The following PDE1C variants were observed in gnomAD, a reference collection of about 807,000 sequenced individuals.
The protein encoded by PDE1C is phosphodiesterase 1C.
Under a neutral mutation model 93.1 loss-of-function variants are expected in PDE1C, and 62 were observed. That is an observed-to-expected ratio of 0.67 (90% confidence interval 0.54 to 0.82). The LOEUF (loss-of-function observed/expected upper bound fraction) is 0.82, where lower values mean the gene tolerates loss of function less well. Among genes scored for constraint, PDE1C ranks in the 40% least tolerant of loss-of-function variants. The pLI is 0.00. For synonymous variants in PDE1C, 325 were observed against 310.1 expected, an observed-to-expected ratio of 1.05 and a Z score of -0.50; for missense variants, 742 against 884.6, an observed-to-expected ratio of 0.84 and a Z score of 2.04.
At chr7:32,181,657 G>C (rs1289344410) in intron 2 of PDE1C, among the ~76,000 whole-genome samples, 6 of 152,012 alleles carry the variant, frequency 3.9e-5, no homozygotes, top group East Asian at 1.9e-4. Context: ...GCAGTGTGTA[G>C]AGGGAAATTT....
chr7:32,338,999 T>G (rs55937651), intron 1 of PDE1C, among the ~76,000 whole-genome samples: 1 of 136,892 alleles, frequency 7.3e-6, no homozygotes, highest in Non-Finnish European at 1.5e-5. Flanking sequence ...CTAGACTCCA[T>G]CTCAAAAAAA....
intron 2 of PDE1C, among the ~76,000 whole-genome samples, chr7:31,906,706 A>G (rs1419375460): frequency 6.6e-6 from 1 of 152,204 alleles, no homozygotes; most frequent in Non-Finnish European, 1.5e-5. Flanking sequence ...GGAGTCTAGC[A>G]TGTGACCTTT....
intron 2 of PDE1C, among the ~76,000 whole-genome samples, chr7:31,912,919 C>T (rs1563020652): frequency 6.6e-6 from 1 of 152,026 alleles, no homozygotes; most frequent in Non-Finnish European, 1.5e-5. Context: ...AATGTTTGCC[C>T]ACATAGTTGA....
chr7:32,127,905 T>A (rs1242135947), intron 3 of PDE1C, among the ~76,000 whole-genome samples: 1 of 152,018 alleles, frequency 6.6e-6, no homozygotes, highest in African/African-American at 2.4e-5. Context: ...ACATTCATTA[T>A]GTTGTTTCTA....
chr7:31,938,068 A>G (rs1391640046), intron 2 of PDE1C, among the ~76,000 whole-genome samples: 3 of 152,136 alleles, frequency 2.0e-5, no homozygotes, highest in African/African-American at 7.2e-5. Flanking sequence ...CTTGTCTTTA[A>G]TCATCCAGAC....
At position 31,870,678 on chromosome 7, in the gene PDE1C, A is replaced by G. The variant is rs184583833; in HGVS notation, c.609+2614T>C. ...CTATCAAATTCCTCCAAACTTTCAA[A>G]GAAGGACTAACATCAGTTCTCCTCA... On this transcript the variant is annotated intron_variant, in intron 6 of 17. Transcript: ENST00000396191. Among the ~76,000 whole-genome samples the G allele has an allele frequency of 5.3e-5, 8 of 152,170 alleles. 1 individual carries two copies. In the East Asian group the frequency reaches 1.2e-3, roughly 22 times the overall value.
At chr7:32,141,953 C>T (rs543224907) in intron 3 of PDE1C, among the ~76,000 whole-genome samples, 1 of 152,024 alleles carries the variant, frequency 6.6e-6, no homozygotes, top group South Asian at 2.1e-4. Context: ...ACCCACCCCC[C>T]AAAAAATAAT....
chr7:31,966,023 A>C (rs974149739), intron 2 of PDE1C, among the ~76,000 whole-genome samples: 2 of 152,244 alleles, frequency 1.3e-5, no homozygotes, highest in Non-Finnish European at 2.9e-5. Flanking sequence ...TGTAAAGATC[A>C]TCAAGGCTAG....
chr7:32,426,905 C>T (rs1785544686), intron 1 of PDE1C, among the ~76,000 whole-genome samples: 1 of 152,120 alleles, frequency 6.6e-6, no homozygotes, highest in African/African-American at 2.4e-5. Context: ...CCCGTGAGCA[C>T]CACAAATTTG....
chr7:31,839,759 G>A (rs942053016), intron 9 of PDE1C, among the ~76,000 whole-genome samples: 6 of 152,192 alleles, frequency 3.9e-5, no homozygotes, highest in African/African-American at 9.6e-5. Flanking sequence ...ACTGCCAGCC[G>A]GGCATAGTGG....
chr7:32,193,033 G>A (rs892808006), intron 2 of PDE1C, among the ~76,000 whole-genome samples: 3 of 152,112 alleles, frequency 2.0e-5, no homozygotes, highest in South Asian at 2.1e-4. Context: ...TCATTTATTA[G>A]TCTAGAAATT....
upstream of PDE1C, among the ~76,000 whole-genome samples, chr7:32,303,778 T>C (rs1812935356): frequency 6.6e-6 from 1 of 152,104 alleles, no homozygotes; most frequent in Admixed American, 6.5e-5. Flanking sequence ...TTCATTCAAC[T>C]TTTTTTGAGT....
At chr7:32,383,222 G>A (rs957515372) in intron 1 of PDE1C, among the ~76,000 whole-genome samples, 6 of 152,164 alleles carry the variant, frequency 3.9e-5, no homozygotes, top group African/African-American at 1.4e-4. Context: ...GTCATTACAT[G>A]CACTGTACGA....
chr7:32,289,853 C>G (rs1322456429), intron 1 of PDE1C, among the ~76,000 whole-genome samples: 1 of 152,172 alleles, frequency 6.6e-6, no homozygotes, highest in East Asian at 1.9e-4. Context: ...TATGAAGTTA[C>G]CACAAAGAGA....
At chr7:31,963,415 AT>A (rs779589022) in intron 2 of PDE1C, among the ~76,000 whole-genome samples, 4 of 152,226 alleles carry the variant, frequency 2.6e-5, no homozygotes, top group Non-Finnish European at 5.9e-5. Context: ...ACTCAGAAGC[AT>A]GGACTATTTC....
intron 1 of PDE1C, among the ~76,000 whole-genome samples, chr7:32,408,660 G>C (rs1785106703): frequency 6.6e-6 from 1 of 152,020 alleles, no homozygotes; most frequent in Admixed American, 6.6e-5. Flanking sequence ...ATGGTAGTGG[G>C]TGCCTGTAAT....
At chr7:32,317,867 C>T (rs1187667164) in intron 1 of PDE1C, among the ~76,000 whole-genome samples, 3 of 152,186 alleles carry the variant, frequency 2.0e-5, no homozygotes, top group Non-Finnish European at 4.4e-5. Flanking sequence ...TAAATATCAG[C>T]TGTTGGTATC....
chr7:31,955,531 A>G (rs570437759), intron 2 of PDE1C, among the ~76,000 whole-genome samples: 67 of 152,324 alleles, frequency 4.4e-4, no homozygotes, highest in African/African-American at 1.5e-3. Flanking sequence ...GTTCAATAAT[A>G]GGAATTTCCT....
In PDE1C at chr7:32,344,403, C is replaced by G. The variant is rs372025555; in HGVS notation, c.310+83419G>C. Among the ~76,000 whole-genome samples, 6 of 152,270 alleles carry G rather than the reference C, an allele frequency of 3.9e-5. No homozygotes were observed. In the East Asian group the frequency reaches 7.7e-4, roughly 20 times the overall value. On this transcript the variant is annotated intron_variant, in intron 1 of 1. Transcript: ENST00000672256. Reference sequence around the variant, plus strand: ...TATATTTTATATGAGAACTAAAAAACTTAACAATGGTTTACGGGGTACATT... The same window carrying G: ...TATATTTTATATGAGAACTAAAAAAGTTAACAATGGTTTACGGGGTACATT...
Sources: gnomAD v4.1 joint callset for allele counts (sites outside exome capture counted in the v4.1 genomes callset) on GRCh38, gnomAD v4.1.1 for gene constraint, MANE v1.5 for transcripts, NCBI Gene and HGNC (gene_info 2026-07-23, HGNC 2026-07-21) for gene names.